ATRIP: variants seen among roughly 807,000 people sequenced by gnomAD.
ATRIP encodes ATR interacting protein, also known as ATR-interacting protein.
In ATRIP, 44 loss-of-function variants were observed where a neutral mutation model predicts 78.1. The observed-to-expected ratio is 0.56, with a 90% CI of 0.44 to 0.72. ATRIP has a LOEUF of 0.72. ATRIP is among the 30% of genes least tolerant of loss of function. The pLI, the probability that ATRIP is intolerant of heterozygous loss-of-function variation, is 0.00. For synonymous variants in ATRIP, 388 were observed against 408.9 expected, an observed-to-expected ratio of 0.95 and a Z score of 0.62; for missense variants, 927 against 980.2, an observed-to-expected ratio of 0.95 and a Z score of 0.72.
intron 9 of ATRIP, 48 bp from the exon 10 acceptor site, chr3:48,463,993 C>T (rs1424468151): frequency 6.2e-7 from 1 of 1,606,420 alleles, no homozygotes; most frequent in African/African-American, 1.3e-5. Context: ...AGCCCACGCT[C>T]TTTATGAGAA....
At chr3:48,449,267 A>T (rs1183284931) in intron 1 of ATRIP, among the ~76,000 whole-genome samples, 1 of 152,004 alleles carries the variant, frequency 6.6e-6, no homozygotes, top group Non-Finnish European at 1.5e-5. Context: ...TATAAAAATT[A>T]GCCGGGCGTG....
rs908382062 is a variant in ATRIP at position 48,466,682 on chromosome 3, G to T, written c.*1128G>T. The stretch of plus-strand genomic sequence containing the variant: ...TGGGCTCGCAGGCCCTGCCCCCGGG[G>T]CCCATGCAGACCCTCATCTTTTTCG... On this transcript the variant is annotated 3_prime_UTR_variant, in exon 13 of 13. Coordinates refer to ENST00000320211, the MANE Select transcript of ATRIP (RefSeq NM_130384.3). 3 of 1,614,062 alleles carry T rather than the reference G, an allele frequency of 1.9e-6. No homozygotes were observed. Among genetic ancestry groups the T allele is most frequent in the Non-Finnish European group, 2.5e-6 (3 of 1,180,012 alleles).
At chr3:48,455,840 G>A (rs761754124) in intron 4 of ATRIP, among the ~76,000 whole-genome samples, 2 of 151,888 alleles carry the variant, frequency 1.3e-5, no homozygotes, top group Admixed American at 6.6e-5. Flanking sequence ...TTCCACATTG[G>A]CTGGGTGCAG....
At chr3:48,448,779 A>G (rs1190420956) in intron 1 of ATRIP, among the ~76,000 whole-genome samples, 1 of 152,210 alleles carries the variant, frequency 6.6e-6, no homozygotes, top group East Asian at 1.9e-4. Context: ...AAATGTTCCA[A>G]TCATCCCACT....
chr3:48,464,646 G>A lies in ATRIP; in HGVS notation c.2039G>A (p.Cys680Tyr). The A allele has an allele frequency of 6.2e-7, 1 of 1,614,202 alleles. No individual in the cohort carries two copies. Reference protein sequence around the residue: ...SPLPPVTGSNCQCNVEVVRAL... With the variant: ...SPLPPVTGSNYQCNVEVVRAL... ...TTGCCCCCAGTCACTGGCTCCAACT[G>A]CCAGTGTAATGTGGAGGTGAGTGGG... The change falls in exon 11 of 13, where the codon TGC (cysteine) becomes TAC (tyrosine). Residue 680 changes from cysteine to tyrosine, a missense_variant. Transcript: ENST00000320211.
Position 48,459,894 on chromosome 3 carries a change from C to A in ATRIP, c.1033C>A (p.Leu345Met). ...SSSESPAGTP[L>M]QPPGFGSTLA... is the part of the protein sequence containing the mutation. ...TTCTGAGTCTCCTGCTGGCACCCCC[C>A]TGCAGCCACCAGGGTTTGGCAGGTA... Residue 345 changes from leucine (L) to methionine (M), a missense_variant, in exon 7 of 13, where the codon CTG (leucine) becomes ATG (methionine). By Grantham distance (15) the Leu-to-Met change is conservative. Transcript: ENST00000320211. 6.2e-7 allele frequency: 1 copy of A among 1,613,468 alleles called. No homozygotes were observed. Among genetic ancestry groups the A allele is most frequent in the Non-Finnish European group, 8.5e-7 (1 of 1,179,752 alleles).
At chr3:48,463,370 G>T (rs2040171660) in intron 8 of ATRIP, among the ~76,000 whole-genome samples, 1 of 152,054 alleles carries the variant, frequency 6.6e-6, no homozygotes, top group Non-Finnish European at 1.5e-5. Flanking sequence ...CTGGAGGCCT[G>T]GTCAGTCCTT....
chr3:48,460,466 TG>T lies in ATRIP; in HGVS notation c.1414del (p.Glu472LysfsTer5). On this transcript the variant is annotated frameshift_variant, in exon 8 of 13. Transcript: ENST00000320211. LOFTEE classifies it high-confidence loss of function. ...AACCCTGAGGACTCAGTGTGCATCC[TG>T]GAAGGCTTCTCTGTGACTGCACTTA... Reference protein sequence around the residue: ...ETNPEDSVCILEGFSVTALSI... With the variant: ...ETNPEDSVCIXEGFSVTALSI... 1 of 1,610,794 alleles carries T rather than the reference TG, an allele frequency of 6.2e-7. No individual in the cohort carries two copies.
intron 2 of ATRIP, chr3:48,450,640 A>T: frequency 1.1e-6 from 1 of 901,284 alleles, no homozygotes; most frequent in Admixed American, 3.1e-5. Flanking sequence ...AGGCTGGAGT[A>T]CAGTGACACA....
intron 1 of ATRIP, 76 bp from the exon 2 acceptor site, chr3:48,449,960 GT>G: frequency 7.9e-7 from 1 of 1,267,154 alleles, no homozygotes; most frequent in Non-Finnish European, 1.1e-6. Flanking sequence ...AAAAAAAAAA[GT>G]GGGTATTTTC....
intron 10 of ATRIP, 38 bp downstream of exon 10, chr3:48,464,170 C>T (rs1176160493): frequency 7.3e-6 from 11 of 1,503,798 alleles, no homozygotes; most frequent in East Asian, 6.8e-5. Flanking sequence ...ACTGTCCCCA[C>T]CCCATCCTAA....
chr3:48,448,608 A>C (rs917720056), intron 1 of ATRIP, among the ~76,000 whole-genome samples: 1 of 152,266 alleles, frequency 6.6e-6, no homozygotes, highest in African/African-American at 2.4e-5. Flanking sequence ...TCCTGGCTGC[A>C]CTAACATTCT....
chr3:48,450,085 C>T lies in ATRIP; in HGVS notation c.296C>T (p.Ser99Leu). 6.2e-7 allele frequency: 1 copy of T among 1,613,366 alleles called. No homozygotes were observed. Among genetic ancestry groups the T allele is most frequent in the South Asian group, 1.1e-5 (1 of 90,942 alleles). Residue 99 changes from serine to leucine, a missense_variant, in exon 2 of 13, where the codon TCA becomes TTA. Coordinates refer to ENST00000320211, the MANE Select transcript of ATRIP (RefSeq NM_130384.3). ...TTAGATGGCATGTCAAAAAATCCTT[C>T]AGGGAAAAACAGAGAAACTGTTCCA... ...RLLDGMSKNP[S>L]GKNRETVPIK...
At chr3:48,454,177 T>C (rs1483255780) in intron 3 of ATRIP, 123 bp from the exon 4 acceptor site, 7 of 646,272 alleles carry the variant, frequency 1.1e-5, no homozygotes, top group Non-Finnish European at 2.0e-5. Flanking sequence ...GACATTTATG[T>C]CACAGCAGAC....
chr3:48,467,146 G>T lies in ATRIP; in HGVS notation c.*1592G>T. ...ATCACTGCGCTGAAGGCCCTGGAGC[G>T]AGCAAGCAGCCCCTCAGAACACGGC... On this transcript the variant is annotated 3_prime_UTR_variant, in exon 13 of 13. Coordinates refer to ENST00000320211, the MANE Select transcript of ATRIP (RefSeq NM_130384.3). 6.2e-7 allele frequency: 1 copy of T among 1,613,978 alleles called. No homozygotes were observed. Among genetic ancestry groups the T allele is most frequent in the African/African-American group, 1.3e-5 (1 of 75,046 alleles).
chr3:48,465,380 G>A (rs2040251795), intron 12 of ATRIP, 107 bp from the exon 13 acceptor site: 1 of 1,147,216 alleles, frequency 8.7e-7, no homozygotes, highest in Non-Finnish European at 1.3e-6. Context: ...GCCTGGGTGT[G>A]GAAGGGACTG....
chr3:48,466,648 A>T lies in ATRIP; in HGVS notation c.*1094A>T. The T allele has an allele frequency of 1.9e-6, 3 of 1,613,812 alleles. No individual in the cohort carries two copies. Among genetic ancestry groups the T allele is most frequent in the Non-Finnish European group, 2.5e-6 (3 of 1,179,952 alleles). On this transcript the variant is annotated 3_prime_UTR_variant, in exon 13 of 13. Coordinates refer to ENST00000320211, the MANE Select transcript of ATRIP (RefSeq NM_130384.3). ...TCTCCAGGCTCAGCAGCAGGTACGT[A>T]CCCAACCATGGGCTCGCAGGCCCTG...
Position 48,464,593 on chromosome 3 carries a change from C to G in ATRIP, c.1986C>G (p.Leu662=). 1 of 1,614,192 alleles carries G rather than the reference C, an allele frequency of 6.2e-7. No individual in the cohort carries two copies. The highest frequency in any genetic ancestry group is 8.5e-7 in the Non-Finnish European group (1 of 1,180,020). The change falls in exon 11 of 13, where the codon CTC becomes CTG. Residue 662 remains leucine (L), a synonymous_variant. Coordinates refer to ENST00000320211, the MANE Select transcript of ATRIP (RefSeq NM_130384.3). ...TGTTCTTGTTCTAGGTGGTGTGGCT[C>G]CTGGCTAAGCTTGGTGTGCAGAGCC... The part of the protein sequence containing the change: ...WLQLEQEVVW[L]LAKLGVQSPL...
chr3:48,464,281 TG>T, intron 10 of ATRIP, 149 bp downstream of exon 10: 1 of 771,888 alleles, frequency 1.3e-6, no homozygotes, highest in Admixed American at 2.4e-5. Context: ...AAACTCAGTT[TG>T]GGGGCTGTGC....
Sources: gnomAD v4.1 joint callset for allele counts (sites outside exome capture counted in the v4.1 genomes callset) on GRCh38, gnomAD v4.1.1 for gene constraint, MANE v1.5 for transcripts, NCBI Gene and HGNC (gene_info 2026-07-23, HGNC 2026-07-21) for gene names.